DEFB128: variants seen among roughly 807,000 people sequenced by gnomAD.
DEFB128 encodes the protein defensin beta 128, also known as beta-defensin 128.
A neutral mutation model predicts 2.4 loss-of-function variants in DEFB128; 1 was observed. That is an observed-to-expected ratio of 0.41 (90% CI 0.15 to 1.96). The LOEUF is 1.96. DEFB128 is among the 30% of genes most tolerant of loss of function. The probability of loss-of-function intolerance (pLI) is 0.30; values close to 1 mark genes in which losing one functional copy is unlikely to be tolerated. For synonymous variants in DEFB128, 59 were observed against 39.1 expected, an observed-to-expected ratio of 1.51 and a Z score of -1.89; for missense variants, 129 against 104.9, an observed-to-expected ratio of 1.23 and a Z score of -1.00.
At chr20:188,155 C>G in intron 1 of DEFB128, 37 bp from the exon 2 acceptor site, 1 of 1,586,220 alleles carries the variant, frequency 6.3e-7, no homozygotes, top group Non-Finnish European at 8.6e-7. Flanking sequence ...AAGGTTAGTG[C>G]GTAAGGAAGA....
intron 1 of DEFB128, 25 bp downstream of exon 1, chr20:189,550 G>A: frequency 6.2e-7 from 1 of 1,606,636 alleles, no homozygotes; most frequent in Non-Finnish European, 8.5e-7. Context: ...CTCTTAGGAT[G>A]TTATAGTACA....
rs773264168 is a variant in DEFB128, at chr20:188,044, AT to A, written c.123del (p.Arg41SerfsTer4). Reference sequence around the variant, plus strand: ...TTCCCACTTAGACATCCTATTTCATATCTTTCTCCTACCTTGCATTTCTTCC... The same window carrying A: ...TTCCCACTTAGACATCCTATTTCATACTTTCTCCTACCTTGCATTTCTTCC... ...YCRKKCKVGE[R>X]YEIGCLSGKL... On this transcript the variant is annotated frameshift_variant, in exon 2 of 2. Coordinates refer to ENST00000334391, the MANE Select transcript of DEFB128 (RefSeq NM_001037732.3). LOFTEE classifies it low-confidence loss of function (END_TRUNC). 3.7e-6 allele frequency: 6 copies of A among 1,614,082 alleles called. No individual in the cohort carries two copies. The highest frequency in any genetic ancestry group is 5.1e-6 in the Non-Finnish European group (6 of 1,179,958).
In DEFB128 at chr20:188,021, CCCACTTAGACATCCTA is replaced by C. The variant is rs1429139993; in HGVS notation, c.131_146del (p.Ile44ArgfsTer28). The C allele has an allele frequency of 2.5e-6, 4 of 1,613,972 alleles. No individual in the cohort carries two copies. The East Asian group carries it at 8.9e-5, about 36-fold the overall frequency. ...CTTCATCATTAGCACAACATAATTT[CCCACTTAGACATCCTA>C]TTTCATATCTTTCTCCTACCTTGCA... is the stretch of plus-strand genomic sequence containing the variant. On this transcript the variant is annotated frameshift_variant, in exon 2 of 2. Coordinates refer to ENST00000334391, the MANE Select transcript of DEFB128 (RefSeq NM_001037732.3). LOFTEE classifies it low-confidence loss of function (END_TRUNC).
chr20:189,617 G>A lies in DEFB128; in HGVS notation c.7C>T (p.Leu3=), dbSNP rs936151395. The A allele has an allele frequency of 5.0e-6, 8 of 1,613,706 alleles. No individual in the cohort carries two copies. Among genetic ancestry groups the A allele is most frequent in the South Asian group, 4.4e-5 (4 of 91,074 alleles). Residue 3 remains leucine (L), a synonymous_variant, in exon 1 of 2, where the codon CTG becomes TTG. Coordinates refer to ENST00000334391, the MANE Select transcript of DEFB128 (RefSeq NM_001037732.3). ...AGCAGAATAATGAGAACCAGAAACA[G>A]CTTCATATTTACAGACTTCCCAAGA... MK[L]FLVLIILLFE...
chr20:188,640 A>G (rs1244250111), intron 1 of DEFB128, among the ~76,000 whole-genome samples: 1 of 152,146 alleles, frequency 6.6e-6, no homozygotes, highest in Non-Finnish European at 1.5e-5. Flanking sequence ...CTTTGACAAG[A>G]TCTCATGGGT....
chr20:187,860 CA>C lies in DEFB128; in HGVS notation c.*25del. The C allele has an allele frequency of 2.0e-5, 33 of 1,611,478 alleles. No individual in the cohort carries two copies. Among genetic ancestry groups the C allele is most frequent in the Non-Finnish European group, 2.8e-5 (33 of 1,177,866 alleles). ...CTTTTTATTTAGGAAGAGTGGAGAC[CA>C]GCGAGACAAGGGCTAGATTTAGGAT... On this transcript the variant is annotated 3_prime_UTR_variant, in exon 2 of 2. Coordinates refer to ENST00000334391, the MANE Select transcript of DEFB128 (RefSeq NM_001037732.3).
rs1301054992 is a variant in DEFB128 at position 189,649 on chromosome 20, G to A, written c.-26C>T. 3 of 1,613,592 alleles carry A rather than the reference G, an allele frequency of 1.9e-6. No homozygotes were observed. Among genetic ancestry groups the A allele is most frequent in the Non-Finnish European group, 2.5e-6 (3 of 1,179,638 alleles). On this transcript the variant is annotated 5_prime_UTR_variant, in exon 1 of 2. Coordinates refer to ENST00000334391, the MANE Select transcript of DEFB128 (RefSeq NM_001037732.3). ...ATTTACAGACTTCCCAAGAGAAAGA[G>A]GCAGCAGAACTTTGTCCAGTGGTCT...
chr20:188,047 T>G lies in DEFB128; in HGVS notation c.121A>C (p.Arg41=). The part of the protein sequence containing the change: ...YCRKKCKVGE[R]YEIGCLSGKL... ...CCACTTAGACATCCTATTTCATATC[T>G]TTCTCCTACCTTGCATTTCTTCCTG... The change falls in exon 2 of 2, where the codon AGA becomes CGA. Residue 41 remains arginine, a synonymous_variant. Transcript: ENST00000334391. The G allele has an allele frequency of 6.2e-7, 1 of 1,614,120 alleles. No homozygotes were observed. Among genetic ancestry groups the G allele is most frequent in the Non-Finnish European group, 8.5e-7 (1 of 1,179,970 alleles).
At chr20:188,698 CCTGT>C (rs2011116014) in intron 1 of DEFB128, among the ~76,000 whole-genome samples, 1 of 152,210 alleles carries the variant, frequency 6.6e-6, no homozygotes, top group Non-Finnish European at 1.5e-5. Flanking sequence ...CCTGGCTCCT[CCTGT>C]CTGTCACTCA....
intron 1 of DEFB128, among the ~76,000 whole-genome samples, chr20:188,954 G>T (rs1309660181): frequency 6.6e-6 from 1 of 152,138 alleles, no homozygotes; most frequent in Non-Finnish European, 1.5e-5. Context: ...ATCTTTGAGG[G>T]TTAGAGGAGT....
chr20:188,267 A>G, intron 1 of DEFB128, 149 bp from the exon 2 acceptor site: 1 of 740,748 alleles, frequency 1.3e-6, no homozygotes, highest in East Asian at 2.6e-5. Context: ...CTCCTTGAAA[A>G]ATATCCCAAA....
intron 1 of DEFB128, among the ~76,000 whole-genome samples, chr20:188,813 T>C (rs574952719): frequency 6.6e-6 from 1 of 152,294 alleles, no homozygotes; most frequent in East Asian, 1.9e-4. Context: ...CTCAGAGTAA[T>C]GCACTGAAAT....
In DEFB128 at chr20:189,042, C is replaced by T. The variant is rs559822251; in HGVS notation, c.49+533G>A. Among the ~76,000 whole-genome samples, 40 of 152,236 alleles carry T rather than the reference C, an allele frequency of 2.6e-4. No individual in the cohort carries two copies. The South Asian group carries it at 3.9e-3, about 15-fold the overall frequency. On this transcript the variant is annotated intron_variant, in intron 1 of 1. Coordinates refer to ENST00000334391, the MANE Select transcript of DEFB128 (RefSeq NM_001037732.3). ...GTAACTCTCACTGACAGGGCTTCTACGATGAACTTTGTGCTTCGTGCTTGT... is the reference window on the plus strand; with the variant it reads ...GTAACTCTCACTGACAGGGCTTCTATGATGAACTTTGTGCTTCGTGCTTGT...
At chr20:188,140 G>T (rs35089290) in intron 1 of DEFB128, 22 bp from the exon 2 acceptor site, 130,848 of 1,608,284 alleles carry the variant, frequency 0.081, 5,964 homozygotes, top group Middle Eastern at 0.11. Flanking sequence ...AAACAACATT[G>T]AACCAAGGTT....
rs1389482262 is a variant in DEFB128 at position 188,017 on chromosome 20, A to C, written c.151T>G (p.Leu51Val). ...RYEIGCLSGK[L>V]CCANDEEEKK... ...TCTTCTTCATCATTAGCACAACATA[A>C]TTTCCCACTTAGACATCCTATTTCA... The change falls in exon 2 of 2, where the codon TTA (leucine) becomes GTA (valine). Residue 51 changes from leucine (L) to valine (V), a missense_variant. Leu to Val is a conservative substitution (Grantham distance 32, BLOSUM62 1). Transcript: ENST00000334391. 2.5e-6 allele frequency: 4 copies of C among 1,613,892 alleles called. No individual in the cohort carries two copies. The highest frequency in any genetic ancestry group is 3.4e-6 in the Non-Finnish European group (4 of 1,179,952).
chr20:188,504 C>T (rs1225923179), intron 1 of DEFB128, among the ~76,000 whole-genome samples: 1 of 152,188 alleles, frequency 6.6e-6, no homozygotes, highest in Non-Finnish European at 1.5e-5. Flanking sequence ...TAACATGTCA[C>T]CATGTGCACA....
chr20:188,085 A>T lies in DEFB128; in HGVS notation c.83T>A (p.Val28Glu). 1 of 1,614,030 alleles carries T rather than the reference A, an allele frequency of 6.2e-7. No homozygotes were observed. The highest frequency in any genetic ancestry group is 8.5e-7 in the Non-Finnish European group (1 of 1,179,928). ...GARLKKCFNK[V>E]TGYCRKKCKV... ...GCATTTCTTCCTGCAATAGCCTGTT[A>T]CTTTATTGAAGCATTTTTTGAGTCT... Residue 28 changes from valine to glutamate, a missense_variant, in exon 2 of 2, where the codon GTA becomes GAA. Transcript: ENST00000334391.
Position 187,886 on chromosome 20 carries a change from T to C in DEFB128, c.282A>G (p.Ter94=). 6.2e-7 allele frequency: 1 copy of C among 1,613,624 alleles called. No homozygotes were observed. Among genetic ancestry groups the C allele is most frequent in the Non-Finnish European group, 8.5e-7 (1 of 1,179,748 alleles). The part of the protein sequence containing the change: ...ILPTITIFTV[*] ...AGCGAGACAAGGGCTAGATTTAGGA[T>C]TAGACTGTGAAAATGGTGATGGTGG... Residue 94 remains the stop codon, a stop_retained_variant, in exon 2 of 2, where the codon TAA becomes TAG. Transcript: ENST00000334391.
At chr20:189,355 G>T (rs1053767886) in intron 1 of DEFB128, among the ~76,000 whole-genome samples, 2 of 152,106 alleles carry the variant, frequency 1.3e-5, no homozygotes, top group Non-Finnish European at 2.9e-5. Context: ...ATGAGTTCAT[G>T]GATACTTTTG....
Sources: gnomAD v4.1 joint callset for allele counts (sites outside exome capture counted in the v4.1 genomes callset) on GRCh38, gnomAD v4.1.1 for gene constraint, MANE v1.5 for transcripts, NCBI Gene and HGNC (gene_info 2026-07-23, HGNC 2026-07-21) for gene names.